The following GRB2 variants were observed in gnomAD, a reference collection of about 807,000 sequenced individuals.
The protein encoded by GRB2 is growth factor receptor-bound protein 2.
Under a neutral mutation model 27.4 loss-of-function variants are expected in GRB2, and 2 were observed. The ratio of observed to expected loss-of-function variants is 0.07; its 90% CI spans 0.03 to 0.23. The LOEUF (loss-of-function observed/expected upper bound fraction) is 0.23, where lower values mean the gene tolerates loss of function less well. Among genes scored for constraint, GRB2 ranks in the 10% least tolerant of loss-of-function variants. The pLI, the probability that GRB2 is intolerant of heterozygous loss-of-function variation, is 1.00. For missense variants in GRB2, 102 were observed against 282.4 expected (o/e 0.36, Z 4.58); for synonymous variants, 94 against 99.6 (o/e 0.94, Z 0.33).
chr17:75,350,853 G>C (rs1301436619), intron 2 of GRB2, among the ~76,000 whole-genome samples: 1 of 152,114 alleles, frequency 6.6e-6, no homozygotes, highest in African/African-American at 2.4e-5. Context: ...GAGGCTTGGG[G>C]ACGGGCATTG....
At chr17:75,350,103 G>A (rs1053754620) in intron 2 of GRB2, among the ~76,000 whole-genome samples, 9 of 151,792 alleles carry the variant, frequency 5.9e-5, no homozygotes, top group Non-Finnish European at 1.5e-5. Flanking sequence ...AGTGGCATAT[G>A]CCTGCAGTCC....
intron 2 of GRB2, among the ~76,000 whole-genome samples, chr17:75,345,204 G>A (rs1198242949): frequency 6.6e-6 from 1 of 151,814 alleles, no homozygotes; most frequent in African/African-American, 2.4e-5. Flanking sequence ...CACCACGCCT[G>A]GCTAATTTTT....
At chr17:75,403,967 G>T (rs1435057241) in intron 1 of GRB2, among the ~76,000 whole-genome samples, 1 of 151,796 alleles carries the variant, frequency 6.6e-6, no homozygotes, top group Non-Finnish European at 1.5e-5. Flanking sequence ...TACAAAATTC[G>T]CTGGACATGG....
chr17:75,402,470 T>A (rs1737309851), intron 1 of GRB2, among the ~76,000 whole-genome samples: 1 of 152,252 alleles, frequency 6.6e-6, no homozygotes, highest in African/African-American at 2.4e-5. Flanking sequence ...ATACTGACTT[T>A]GTGTATACAC....
intron 4 of GRB2, among the ~76,000 whole-genome samples, chr17:75,323,159 G>A (rs761120874): frequency 1.9e-4 from 29 of 150,108 alleles, no homozygotes; most frequent in Non-Finnish European, 4.1e-4. Context: ...CTCTGAGAGT[G>A]CTTGTTCAAT....
chr17:75,368,892 C>T (rs1206662156), intron 2 of GRB2, among the ~76,000 whole-genome samples: 1 of 152,134 alleles, frequency 6.6e-6, no homozygotes, highest in Non-Finnish European at 1.5e-5. Flanking sequence ...ATCAGCTTGC[C>T]TGAAACAAAA....
chr17:75,383,859 A>AAACAAC (rs138974327), intron 2 of GRB2, among the ~76,000 whole-genome samples: 1 of 152,110 alleles, frequency 6.6e-6, no homozygotes. Context: ...CCCAAAAAGA[A>AAACAAC]AACAACAACA....
intron 2 of GRB2, among the ~76,000 whole-genome samples, chr17:75,350,963 G>C (rs1295509786): frequency 6.6e-6 from 1 of 152,160 alleles, no homozygotes; most frequent in East Asian, 1.9e-4. Flanking sequence ...GGGAGACCAG[G>C]GACAGAGAAC....
intron 2 of GRB2, among the ~76,000 whole-genome samples, chr17:75,336,680 G>A (rs2078579200): frequency 6.6e-6 from 1 of 152,122 alleles, no homozygotes; most frequent in Admixed American, 6.6e-5. Flanking sequence ...TTGGTGTTTA[G>A]TATGTTTTTC....
intron 4 of GRB2, among the ~76,000 whole-genome samples, chr17:75,323,608 G>T (rs989247906): frequency 6.6e-6 from 1 of 152,120 alleles, no homozygotes; most frequent in African/African-American, 2.4e-5. Context: ...ATCCTTAAAA[G>T]ATTCTACTTG....
Position 75,320,623 on chromosome 17 carries a change from T to A in GRB2, c.469-70A>T, listed in dbSNP as rs1598214287. On this transcript the variant is annotated intron_variant, in intron 5 of 5. Coordinates refer to ENST00000316804, the MANE Select transcript of GRB2 (RefSeq NM_002086.5). The surrounding 1 kb of genome is among the most constrained non-coding windows in gnomAD (Gnocchi z 4.3). ...GTGACTGGCCACCTCCGAGGCCAGA[T>A]GGGTTCCAGGGGGAAACGAATGCGT... The A allele has an allele frequency of 1.6e-6, 2 of 1,230,746 alleles. No individual in the cohort carries two copies. The allele number at this position is 1,230,746 out of a possible 1,614,324, so 76.2% of individuals were successfully genotyped here.
intron 2 of GRB2, among the ~76,000 whole-genome samples, chr17:75,337,901 C>CTATTATTATTATTAT (rs71361670): frequency 8.5e-6 from 1 of 117,388 alleles, no homozygotes; most frequent in Non-Finnish European, 1.7e-5. Flanking sequence ...ACTACTACTA[C>CTATTATTATTATTAT]TATTATTATT....
intron 2 of GRB2, among the ~76,000 whole-genome samples, chr17:75,363,859 C>CAAAAAAAAAAAAA (rs55746272): frequency 2.7e-4 from 16 of 58,526 alleles, no homozygotes; most frequent in South Asian, 7.3e-4. Flanking sequence ...GACTCCGTCT[C>CAAAAAAAAAAAAA]AAAAAAAAAA....
intron 2 of GRB2, among the ~76,000 whole-genome samples, chr17:75,337,511 C>T (rs2078585628): frequency 6.6e-6 from 1 of 151,816 alleles, no homozygotes; most frequent in African/African-American, 2.4e-5. Context: ...GTTTCATTTG[C>T]TGTGGCTTTA....
At chr17:75,376,309 C>T (rs2078893183) in intron 2 of GRB2, among the ~76,000 whole-genome samples, 1 of 142,024 alleles carries the variant, frequency 7.0e-6, no homozygotes, top group South Asian at 2.2e-4. Flanking sequence ...TGTGCCACTG[C>T]ACTCCAGCCT....
At chr17:75,325,423 C>A (rs573739414) in intron 4 of GRB2, among the ~76,000 whole-genome samples, 241 of 152,342 alleles carry the variant, frequency 1.6e-3, no homozygotes, top group Admixed American at 3.7e-3. Context: ...TACCCGCTCC[C>A]TTTCACACCT....
chr17:75,346,937 AATGGGG>A (rs773937128), intron 2 of GRB2, among the ~76,000 whole-genome samples: 8 of 152,200 alleles, frequency 5.3e-5, no homozygotes, highest in Non-Finnish European at 1.2e-4. Context: ...GCTATTAATC[AATGGGG>A]AGGCCTGCAG....
chr17:75,364,813 A>G (rs548753869), intron 2 of GRB2, among the ~76,000 whole-genome samples: 20 of 151,724 alleles, frequency 1.3e-4, no homozygotes, highest in Non-Finnish European at 2.5e-4. Context: ...CTAGTACCCA[A>G]TCTAATCTCT....
chr17:75,362,176 T>C (rs1434785082), intron 2 of GRB2, among the ~76,000 whole-genome samples: 1 of 152,156 alleles, frequency 6.6e-6, no homozygotes, highest in Non-Finnish European at 1.5e-5. Flanking sequence ...AGGACACAGA[T>C]ACGTAGGTCC....
Sources: allele counts gnomAD v4.1 joint callset (sites outside exome capture counted in the v4.1 genomes callset), GRCh38; gene constraint gnomAD v4.1.1; non-coding constraint Gnocchi (gnomAD v3.1); transcripts MANE v1.5; gene names NCBI Gene and HGNC (gene_info 2026-07-23, HGNC 2026-07-21).